The following USH2A variants were observed in gnomAD, a reference collection of about 807,000 sequenced individuals.
The protein encoded by USH2A is usherin.
USH2A carries 443 observed loss-of-function variants against 538.9 expected under a neutral mutation model. The ratio of observed to expected loss-of-function variants is 0.82; its 90% CI spans 0.76 to 0.89. The LOEUF (loss-of-function observed/expected upper bound fraction) is 0.89. Among genes scored for constraint, USH2A ranks in the 40% least tolerant of loss-of-function variants. The probability of loss-of-function intolerance (pLI) is 0.00; values close to 1 mark genes in which losing one functional copy is unlikely to be tolerated. For missense variants in USH2A, 6,633 were observed against 6,324.8 expected (o/e 1.05, Z -1.65); for synonymous variants, 2,413 against 2,273.5 (o/e 1.06, Z -1.75).
At position 216,261,483 on chromosome 1, in the gene USH2A, A is replaced by G. The variant is rs140246913; in HGVS notation, c.1972-10385T>C. ...AAAAAAAGGCTGGAAAAAAATCTCA[A>G]CTAAAAGATTAGAAGAGAAAGATAA... On this transcript the variant is annotated intron_variant, in intron 11 of 71. Coordinates refer to ENST00000307340, the MANE Select transcript of USH2A (RefSeq NM_206933.4). Among the ~76,000 whole-genome samples the G allele has an allele frequency of 2.5e-3, 376 of 151,674 alleles. 1 individual carries two copies. Among genetic ancestry groups the G allele is most frequent in the African/African-American group, 8.6e-3 (358 of 41,458 alleles).
At chr1:215,870,793 C>T (rs1033725488) in intron 43 of USH2A, among the ~76,000 whole-genome samples, 2 of 152,144 alleles carry the variant, frequency 1.3e-5, no homozygotes, top group Non-Finnish European at 2.9e-5. Context: ...TCTATGTATA[C>T]TGTTTTTCAA....
rs375089930 is a variant in USH2A at position 216,139,292 on chromosome 1, T to C, written c.4627+35960A>G. On this transcript the variant is annotated intron_variant, in intron 21 of 71. Coordinates refer to ENST00000307340, the MANE Select transcript of USH2A (RefSeq NM_206933.4). Reference sequence around the variant, plus strand: ...TCCCAGGGGTTTATATCTGCCCATGTCACCACTTTGGAACAAAATTCATCT... The same window carrying C: ...TCCCAGGGGTTTATATCTGCCCATGCCACCACTTTGGAACAAAATTCATCT... Among the ~76,000 whole-genome samples the C allele has an allele frequency of 3.8e-4, 57 of 151,974 alleles. No individual in the cohort carries two copies. In the East Asian group the frequency reaches 7.0e-3, roughly 19 times the overall value.
chr1:215,776,033 G>T (rs1442627061), intron 55 of USH2A, among the ~76,000 whole-genome samples: 1 of 151,944 alleles, frequency 6.6e-6, no homozygotes, highest in Non-Finnish European at 1.5e-5. Flanking sequence ...TTTCTCAGTG[G>T]CCTTAATTAT....
At chr1:215,744,132 T>C (rs753048024) in intron 58 of USH2A, among the ~76,000 whole-genome samples, 3 of 152,224 alleles carry the variant, frequency 2.0e-5, no homozygotes, top group Non-Finnish European at 2.9e-5. Flanking sequence ...CTGTAGAGCA[T>C]TGTGTATGCC....
chr1:215,693,092 A>ATATATG (rs371000210), intron 61 of USH2A, among the ~76,000 whole-genome samples: 119 of 131,672 alleles, frequency 9.0e-4, no homozygotes, highest in Middle Eastern at 4.2e-3. Flanking sequence ...ATATATATAT[A>ATATATG]TGTGTGTGTG....
chr1:216,157,253 G>A (rs2033965883), intron 21 of USH2A, among the ~76,000 whole-genome samples: 1 of 151,986 alleles, frequency 6.6e-6, no homozygotes, highest in African/African-American at 2.4e-5. Flanking sequence ...TCAGAGAAAT[G>A]GAAATCAAAA....
Position 215,640,750 on chromosome 1 carries a change from T to A in USH2A, c.14792-16A>T. The A allele has an allele frequency of 6.2e-7, 1 of 1,611,466 alleles. No homozygotes were observed. Among genetic ancestry groups the A allele is most frequent in the Non-Finnish European group, 8.5e-7 (1 of 1,179,488 alleles). ...TACTGAGGCACTGTGGGGAGAAAGT[T>A]GTATGTTCTAAAAAGGGTAACCTCT... On this transcript the variant is annotated splice_polypyrimidine_tract_variant and intron_variant, in intron 67 of 71. Transcript: ENST00000307340.
intron 13 of USH2A, among the ~76,000 whole-genome samples, chr1:216,241,735 TG>T (rs1358254349): frequency 6.6e-6 from 1 of 152,092 alleles, no homozygotes; most frequent in African/African-American, 2.4e-5. Context: ...AGTTTCACCA[TG>T]TTGCTCAGGC....
In USH2A at chr1:216,289,580, C is replaced by A. The variant is rs114284380; in HGVS notation, c.1841-170G>T. On this transcript the variant is annotated intron_variant, in intron 10 of 71. Transcript: ENST00000307340. ...ATTTAGTGATCCAGAGCATATGAAA[C>A]AATGAACCTGTTACAAACTGTGCTT... is the stretch of plus-strand genomic sequence containing the variant. 0.013 allele frequency among the ~76,000 whole-genome samples: 2,023 copies of A among 152,262 alleles called. 21 individuals are homozygous for A. The highest frequency in any genetic ancestry group is 0.018 in the Non-Finnish European group (1,243 of 67,998).
At chr1:215,895,744 C>T (rs572429947) in intron 40 of USH2A, among the ~76,000 whole-genome samples, 1 of 152,290 alleles carries the variant, frequency 6.6e-6, no homozygotes, top group African/African-American at 2.4e-5. Context: ...GGCAATGGTA[C>T]AGTCTTGTGT....
intron 55 of USH2A, among the ~76,000 whole-genome samples, chr1:215,767,591 G>C (rs1393964953): frequency 6.6e-6 from 1 of 152,136 alleles, no homozygotes; most frequent in Non-Finnish European, 1.5e-5. Flanking sequence ...TGTTCAGTAA[G>C]TTTTCAGGGA....
At chr1:216,355,383 G>GAAAC (rs1553253087) in intron 4 of USH2A, among the ~76,000 whole-genome samples, 33 of 148,542 alleles carry the variant, frequency 2.2e-4, no homozygotes, top group Middle Eastern at 3.5e-3. Context: ...AAGAAGGAAA[G>GAAAC]AAACATATAG....
intron 20 of USH2A, 106 bp from the exon 21 acceptor site, chr1:216,175,588 T>G: frequency 1.9e-6 from 2 of 1,065,210 alleles, no homozygotes; most frequent in Non-Finnish European, 2.8e-6. Context: ...ACACTTCAAA[T>G]CAAATCAGTT....
At chr1:215,716,249 G>A (rs572297174) in intron 61 of USH2A, among the ~76,000 whole-genome samples, 3 of 152,358 alleles carry the variant, frequency 2.0e-5, no homozygotes, top group African/African-American at 7.2e-5. Flanking sequence ...GAATCAAACT[G>A]AGCCCAATTA....
chr1:216,232,189 T>C, intron 13 of USH2A, 53 bp from the exon 14 acceptor site: 1 of 1,546,134 alleles, frequency 6.5e-7, no homozygotes, highest in South Asian at 1.2e-5. Flanking sequence ...CACTCTTTTA[T>C]TTAAAGCATA....
intron 3 of USH2A, among the ~76,000 whole-genome samples, chr1:216,415,864 A>G (rs1417041690): frequency 6.6e-6 from 1 of 151,938 alleles, no homozygotes; most frequent in South Asian, 2.1e-4. Context: ...TAATCAGTAC[A>G]TTCCTTTTTC....
intron 29 of USH2A, 143 bp from the exon 30 acceptor site, chr1:216,070,435 T>G (rs1378533511): frequency 1.2e-6 from 1 of 805,878 alleles, no homozygotes; most frequent in Non-Finnish European, 2.1e-6. Context: ...CTTTTCAGCA[T>G]TGATTTAATA....
intron 21 of USH2A, among the ~76,000 whole-genome samples, chr1:216,154,845 T>G (rs1208278677): frequency 1.3e-5 from 2 of 152,112 alleles, no homozygotes; most frequent in African/African-American, 4.8e-5. Context: ...ATATTTGAGT[T>G]GTTTCCAGTT....
chr1:215,819,509 G>C (rs1384345186), intron 47 of USH2A, among the ~76,000 whole-genome samples: 1 of 151,790 alleles, frequency 6.6e-6, no homozygotes, highest in Non-Finnish European at 1.5e-5. Flanking sequence ...TGAGAGAACA[G>C]TTTCATAGAT....
Sources: gnomAD v4.1 joint callset for allele counts (sites outside exome capture counted in the v4.1 genomes callset) on GRCh38, gnomAD v4.1.1 for gene constraint, MANE v1.5 for transcripts, NCBI Gene and HGNC (gene_info 2026-07-23, HGNC 2026-07-21) for gene names.